The following ZNF106 variants were observed in gnomAD, a reference collection of about 807,000 sequenced individuals.
The protein encoded by ZNF106 is SH3-domain binding protein 3.
In ZNF106, 67 loss-of-function variants were observed where a neutral mutation model predicts 195.1. The observed-to-expected ratio is 0.34, with a 90% CI of 0.28 to 0.42. The LOEUF (loss-of-function observed/expected upper bound fraction) is 0.42. Among genes scored for constraint, ZNF106 ranks in the 10% least tolerant of loss-of-function variants. The pLI, the probability that ZNF106 is intolerant of heterozygous loss-of-function variation, is 1.00. For missense variants in ZNF106, 2,118 were observed against 2,304.5 expected (o/e 0.92, Z 1.66); for synonymous variants, 784 against 818.6 (o/e 0.96, Z 0.72).
chr15:42,423,449 T>C (rs540301057), intron 17 of ZNF106, among the ~76,000 whole-genome samples: 5 of 151,784 alleles, frequency 3.3e-5, no homozygotes, highest in African/African-American at 9.6e-5. Context: ...CAATCACAGC[T>C]CACTGCAGCC....
At chr15:42,467,675 G>T (rs1394649246) in intron 2 of ZNF106, among the ~76,000 whole-genome samples, 1 of 152,130 alleles carries the variant, frequency 6.6e-6, no homozygotes, top group Non-Finnish European at 1.5e-5. Context: ...TGGGCTGGTG[G>T]TGAACGCCTG....
At chr15:42,485,884 G>A (rs903114339) in intron 1 of ZNF106, among the ~76,000 whole-genome samples, 1 of 151,958 alleles carries the variant, frequency 6.6e-6, no homozygotes, top group East Asian at 1.9e-4. Flanking sequence ...CCTTGATTTA[G>A]CCCACCACCA....
intron 13 of ZNF106, among the ~76,000 whole-genome samples, chr15:42,435,960 T>TC (rs2055257993): frequency 6.8e-6 from 1 of 146,108 alleles, no homozygotes; most frequent in African/African-American, 2.5e-5. Context: ...TGTTGTTTCT[T>TC]TTTTTTTTTT....
chr15:42,444,144 G>GAAAACA (rs2055672919), intron 9 of ZNF106, 58 bp downstream of exon 9: 4 of 543,008 alleles, frequency 7.4e-6, no homozygotes, highest in Non-Finnish European at 1.2e-5. Flanking sequence ...AAAAAGCAGA[G>GAAAACA]AAAACAAAAA....
chr15:42,430,527 G>T (rs1270633912), intron 14 of ZNF106, among the ~76,000 whole-genome samples: 1 of 151,936 alleles, frequency 6.6e-6, no homozygotes, highest in African/African-American at 2.4e-5. Flanking sequence ...CTACAGGCGT[G>T]GGCCATCGCG....
chr15:42,491,106 CCCGCCACAGCCG>C lies in ZNF106; in HGVS notation c.-171_-160del, dbSNP rs1264105589. On this transcript the variant is annotated 5_prime_UTR_variant, in exon 1 of 22. Transcript: ENST00000564754. ...GCTCCGGACCCGCTCCCCGCCGGGCCCCGCCACAGCCGCCGCCAACGCGCAGGCGCACACCGA... is the reference window on the plus strand; with the variant it reads ...GCTCCGGACCCGCTCCCCGCCGGGCCCCGCCAACGCGCAGGCGCACACCGA... The C allele has an allele frequency of 1.5e-4, 23 of 152,366 alleles. No individual in the cohort carries two copies. The highest frequency in any genetic ancestry group is 3.1e-3 in the Middle Eastern group (1 of 318). 9.4% of individuals were successfully genotyped at this position (152,366 alleles called of 1,614,324 possible).
At position 42,424,240 on chromosome 15, in the gene ZNF106, T is replaced by G. The variant is rs922994549; in HGVS notation, c.5191-180A>C. 15 of 576,106 alleles carry G rather than the reference T, an allele frequency of 2.6e-5. No homozygotes were observed. The African/African-American group carries it at 2.6e-4, about 10-fold the overall frequency. 35.7% of individuals were successfully genotyped at this position (576,106 alleles called of 1,614,324 possible). A position where few individuals can be genotyped will look rare whatever the true frequency, so the allele number is the denominator to read the frequency against. On this transcript the variant is annotated intron_variant, in intron 16 of 21. Coordinates refer to ENST00000564754, the MANE Select transcript of ZNF106 (RefSeq NM_001366845.3). ...GAAACTTACACCCCCCTACCAAGCATGCTAATGAACTGACAATGTATTATT... is the reference window on the plus strand; with the variant it reads ...GAAACTTACACCCCCCTACCAAGCAGGCTAATGAACTGACAATGTATTATT...
intron 1 of ZNF106, among the ~76,000 whole-genome samples, chr15:42,489,093 AACACACAC>A (rs368303436): frequency 7.0e-6 from 1 of 142,444 alleles, no homozygotes; most frequent in Admixed American, 7.0e-5. Flanking sequence ...AAAAAAAAAC[AACACACAC>A]ACACACACAC....
At chr15:42,459,508 C>T (rs914626621) in intron 3 of ZNF106, among the ~76,000 whole-genome samples, 16 of 151,896 alleles carry the variant, frequency 1.1e-4, no homozygotes, top group African/African-American at 3.4e-4. Context: ...AAAGAATAAT[C>T]CTCAACTTTC....
At chr15:42,489,057 G>A (rs1471072031) in intron 1 of ZNF106, among the ~76,000 whole-genome samples, 6 of 142,290 alleles carry the variant, frequency 4.2e-5, no homozygotes, top group South Asian at 2.2e-4. Flanking sequence ...CAGCCTGGGC[G>A]ACAAAGCAAG....
chr15:42,450,340 A>G lies in ZNF106; in HGVS notation c.1932T>C (p.Thr644=). 6.2e-7 allele frequency: 1 copy of G among 1,614,212 alleles called. No homozygotes were observed. The highest frequency in any genetic ancestry group is 8.5e-7 in the Non-Finnish European group (1 of 1,180,044). The change falls in exon 5 of 22, where the codon ACT becomes ACC. Residue 644 remains threonine (T), a synonymous_variant. Coordinates refer to ENST00000564754, the MANE Select transcript of ZNF106 (RefSeq NM_001366845.3). The part of the protein sequence containing the change: ...TTELLSGSTR[T]ADEKEEDDRI... ...GGTCATCCTCCTCTTTCTCATCAGCAGTTCGAGTGCTGCCAGATAACAATT... is the reference window on the plus strand; with the variant it reads ...GGTCATCCTCCTCTTTCTCATCAGCGGTTCGAGTGCTGCCAGATAACAATT...
chr15:42,421,228 A>G, intron 19 of ZNF106, 96 bp from the exon 20 acceptor site: 1 of 1,140,338 alleles, frequency 8.8e-7, no homozygotes, highest in Non-Finnish European at 1.3e-6. Context: ...AGCAGCTACA[A>G]GAAAACAAAC....
chr15:42,451,345 G>T lies in ZNF106; in HGVS notation c.927C>A (p.Asp309Glu), dbSNP rs1233412488. The stretch of plus-strand genomic sequence containing the variant: ...TATATGTGGCAACTGTACCAAGTTT[G>T]TCATTTTCTTGCCGCTGCCAATTAT... ...DRYNWQRQENDKLGTVATYRG... is the reference protein window; with the variant it reads ...DRYNWQRQENEKLGTVATYRG... The change falls in exon 5 of 22, where the codon GAC becomes GAA. Residue 309 changes from aspartate to glutamate, a missense_variant. Asp to Glu is a conservative substitution (Grantham distance 45, BLOSUM62 2). Transcript: ENST00000564754. The T allele has an allele frequency of 1.9e-6, 3 of 1,613,786 alleles. No individual in the cohort carries two copies. The highest frequency in any genetic ancestry group is 2.5e-6 in the Non-Finnish European group (3 of 1,179,738).
intron 3 of ZNF106, among the ~76,000 whole-genome samples, chr15:42,465,275 T>A (rs1414656469): frequency 6.6e-6 from 1 of 151,960 alleles, no homozygotes; most frequent in Non-Finnish European, 1.5e-5. Context: ...AATCACAGAA[T>A]AGCATCCTTC....
Position 42,437,805 on chromosome 15 carries a change from G to A in ZNF106, c.4601-428C>T, listed in dbSNP as rs539675530. ...GCCTGTAGTCCCAGTTATTTGGGGA[G>A]GCTGAGGCAAGAGAATCACTTGAAC... On this transcript the variant is annotated intron_variant, in intron 12 of 21. Transcript: ENST00000564754. Among the ~76,000 whole-genome samples the A allele has an allele frequency of 4.9e-4, 74 of 151,830 alleles. No individual in the cohort carries two copies. In the South Asian group the frequency reaches 0.015, roughly 31 times the overall value.
chr15:42,469,885 G>C (rs965468262), intron 2 of ZNF106, among the ~76,000 whole-genome samples: 3 of 150,252 alleles, frequency 2.0e-5, no homozygotes, highest in Admixed American at 6.6e-5. Context: ...AAAAAAGAAA[G>C]AAAGAAAAGA....
chr15:42,457,559 T>C, intron 3 of ZNF106: 1 of 1,037,554 alleles, frequency 9.6e-7, no homozygotes, highest in Non-Finnish European at 1.2e-6. Flanking sequence ...GCGCTTACAT[T>C]TAATCTTTAG....
intron 20 of ZNF106, among the ~76,000 whole-genome samples, chr15:42,419,858 G>A (rs996488442): frequency 1.3e-5 from 2 of 152,208 alleles, no homozygotes; most frequent in African/African-American, 4.8e-5. Context: ...GCTGAGGCAG[G>A]AGAATCGCTT....
chr15:42,438,686 A>G lies in ZNF106; in HGVS notation c.4545-19T>C, dbSNP rs960617746. 6.8e-6 allele frequency: 11 copies of G among 1,612,000 alleles called. No homozygotes were observed. Among genetic ancestry groups the G allele is most frequent in the Non-Finnish European group, 9.3e-6 (11 of 1,178,644 alleles). On this transcript the variant is annotated intron_variant, in intron 11 of 21. Coordinates refer to ENST00000564754, the MANE Select transcript of ZNF106 (RefSeq NM_001366845.3). ...TGCCACACTACAAAATAATAGCAAA[A>G]GTGTTCTCAGCATCTGTGTGAACAG...
Sources: gnomAD v4.1 joint callset for allele counts (sites outside exome capture counted in the v4.1 genomes callset) on GRCh38, gnomAD v4.1.1 for gene constraint, MANE v1.5 for transcripts, NCBI Gene and HGNC (gene_info 2026-07-23, HGNC 2026-07-21) for gene names.